Variants in NLGN4X observed in about 807,000 individuals in gnomAD.
NLGN4X encodes neuroligin 4 X-linked.
NLGN4X carries 3 observed loss-of-function variants against 40.3 expected under a neutral mutation model. The ratio of observed to expected loss-of-function variants is 0.07; its 90% CI spans 0.03 to 0.19. NLGN4X has a LOEUF of 0.19. Ranked by LOEUF, NLGN4X falls within the 10% of genes least tolerant of loss-of-function variation. The probability of loss-of-function intolerance (pLI) is 1.00; values close to 1 mark genes in which losing one functional copy is unlikely to be tolerated. For missense variants in NLGN4X, 382 were observed against 708.3 expected, an observed-to-expected ratio of 0.54 and a Z score of 5.23; for synonymous variants, 270 against 306.8, an observed-to-expected ratio of 0.88 and a Z score of 1.25.
intron 3 of NLGN4X, among the ~76,000 whole-genome samples, chrX:6,024,344 TG>T (rs760308907): frequency 9.0e-6 from 1 of 111,468 alleles, no homozygotes; most frequent in African/African-American, 3.3e-5. Context: ...CCACACACCC[TG>T]GCAATGACTA....
At chrX:5,894,046 C>A (rs1201873233) in intron 5 of NLGN4X, among the ~76,000 whole-genome samples, 1 of 112,121 alleles carries the variant, frequency 8.9e-6, no homozygotes, top group Non-Finnish European at 1.9e-5. Flanking sequence ...TAAAACTCAT[C>A]CAGGACTGAT....
intron 2 of NLGN4X, among the ~76,000 whole-genome samples, chrX:6,054,342 G>A (rs747872253): frequency 5.4e-5 from 6 of 111,313 alleles, no homozygotes; most frequent in African/African-American, 1.6e-4. Flanking sequence ...CAAATGGCTC[G>A]GCACTATCAC....
intron 2 of NLGN4X, among the ~76,000 whole-genome samples, chrX:6,120,873 T>C (rs2039407602): frequency 1.8e-5 from 2 of 111,708 alleles, no homozygotes; most frequent in Non-Finnish European, 3.8e-5. Context: ...CCACAGGTGT[T>C]TGATTTCATT....
intron 3 of NLGN4X, among the ~76,000 whole-genome samples, chrX:5,946,996 C>CA (rs772348329): frequency 3.6e-5 from 4 of 111,724 alleles, no homozygotes; most frequent in Non-Finnish European, 7.5e-5. Flanking sequence ...CATGTTCCTG[C>CA]AAAAGACATG....
At chrX:6,227,013 C>T (rs1926428801) in intron 1 of NLGN4X, 2 of 113,536 alleles carry the variant, frequency 1.8e-5, no homozygotes, top group Admixed American at 9.3e-5. Flanking sequence ...AAGCCCCTCG[C>T]CCACCCCGCA....
intron 2 of NLGN4X, among the ~76,000 whole-genome samples, chrX:6,048,521 G>T (rs2037385660): frequency 9.0e-6 from 1 of 111,670 alleles, no homozygotes; most frequent in African/African-American, 3.3e-5. Flanking sequence ...GCGTGAGATG[G>T]TTTCTCAATG....
At chrX:6,212,015 G>A (rs1231606946) in intron 1 of NLGN4X, among the ~76,000 whole-genome samples, 1 of 111,275 alleles carries the variant, frequency 9.0e-6, no homozygotes, top group East Asian at 2.8e-4. Context: ...GGAGGTTGAG[G>A]TGGGCGGCTC....
chrX:6,069,300 A>T (rs1172426757), intron 2 of NLGN4X, among the ~76,000 whole-genome samples: 3 of 111,057 alleles, frequency 2.7e-5, no homozygotes, highest in Non-Finnish European at 3.8e-5. Flanking sequence ...AAAAAAAAAA[A>T]AATTAAATAA....
chrX:5,923,038 A>G (rs758031563), intron 3 of NLGN4X, among the ~76,000 whole-genome samples: 1 of 112,277 alleles, frequency 8.9e-6, no homozygotes, highest in South Asian at 3.7e-4. Flanking sequence ...TGGTATAATT[A>G]TCACCACTAC....
chrX:5,926,789 T>TACCC (rs1555921500), intron 3 of NLGN4X, among the ~76,000 whole-genome samples: 18 of 93,056 alleles, frequency 1.9e-4, no homozygotes, highest in Admixed American at 1.1e-3. Context: ...CTAGAGAGCA[T>TACCC]ACACACACAC....
chrX:6,171,155 T>C (rs1319774941), intron 1 of NLGN4X, among the ~76,000 whole-genome samples: 3 of 112,270 alleles, frequency 2.7e-5, no homozygotes. Context: ...AACTGTGCAA[T>C]TAATAATCAC....
chrX:6,113,187 C>G (rs1023202848), intron 2 of NLGN4X, among the ~76,000 whole-genome samples: 4 of 110,726 alleles, frequency 3.6e-5, no homozygotes, highest in African/African-American at 9.9e-5. Context: ...AAGGAAAATA[C>G]CAACGAAATC....
intron 3 of NLGN4X, among the ~76,000 whole-genome samples, chrX:5,998,320 G>T (rs1304998992): frequency 9.5e-6 from 1 of 105,713 alleles, no homozygotes; most frequent in Admixed American, 1.1e-4. Flanking sequence ...TGAGGCAGGA[G>T]AATCACTTGA....
At chrX:6,195,583 T>C (rs1280203995) in intron 1 of NLGN4X, among the ~76,000 whole-genome samples, 1 of 112,391 alleles carries the variant, frequency 8.9e-6, no homozygotes, top group Non-Finnish European at 1.9e-5. Context: ...TATTAGCTCT[T>C]GAAATTGTAT....
intron 3 of NLGN4X, among the ~76,000 whole-genome samples, chrX:5,953,917 T>C (rs2034398913): frequency 9.0e-6 from 1 of 111,496 alleles, no homozygotes; most frequent in South Asian, 3.8e-4. Context: ...TTATGGATTG[T>C]GAATTTGAAT....
intron 2 of NLGN4X, among the ~76,000 whole-genome samples, chrX:6,087,971 A>C (rs1172751913): frequency 9.0e-6 from 1 of 111,135 alleles, no homozygotes; most frequent in Non-Finnish European, 1.9e-5. Flanking sequence ...GATGTCATTT[A>C]ATTTCTCACT....
At position 5,986,698 on chromosome X, in the gene NLGN4X, G is replaced by A. The variant is rs1043755064; in HGVS notation, c.625+42582C>T. 2.7e-5 allele frequency among the ~76,000 whole-genome samples: 3 copies of A among 111,908 alleles called. No homozygotes were observed. The East Asian group carries it at 8.4e-4, about 31-fold the overall frequency. ...ATACAGCAATAAGACACACAACCCA[G>A]TAGAAAAACAGATCAAAAACAGACG... On this transcript the variant is annotated intron_variant, in intron 3 of 5. Transcript: ENST00000381095.
chrX:6,089,114 T>G (rs376869031), intron 2 of NLGN4X, among the ~76,000 whole-genome samples: 1 of 111,990 alleles, frequency 8.9e-6, no homozygotes, highest in Non-Finnish European at 1.9e-5. Flanking sequence ...AGTAAGAAAA[T>G]TATAAACATA....
chrX:6,051,274 C>T (rs1017200907), intron 2 of NLGN4X, among the ~76,000 whole-genome samples: 14 of 111,699 alleles, frequency 1.3e-4, no homozygotes, highest in African/African-American at 4.6e-4. Context: ...CTCTTAATAT[C>T]TCAAGAGTTA....
Sources: allele counts gnomAD v4.1 joint callset (sites outside exome capture counted in the v4.1 genomes callset), GRCh38; gene constraint gnomAD v4.1.1; transcripts MANE v1.5; gene names NCBI Gene and HGNC (gene_info 2026-07-23, HGNC 2026-07-21).